FOXP2: variants seen among roughly 807,000 people sequenced by gnomAD.
The protein encoded by FOXP2 is forkhead box protein P2.
A neutral mutation model predicts 115.8 loss-of-function variants in FOXP2; 12 were observed. That is an observed-to-expected ratio of 0.10 (90% CI 0.07 to 0.17). The LOEUF is 0.17. Ranked by LOEUF, FOXP2 falls within the 10% of genes least tolerant of loss-of-function variation. The pLI, the probability that FOXP2 is intolerant of heterozygous loss-of-function variation, is 1.00. For missense variants in FOXP2, 629 were observed against 843.5 expected (o/e 0.75, Z 3.15); for synonymous variants, 328 against 297.7 (o/e 1.10, Z -1.05).
intron 3 of FOXP2, among the ~76,000 whole-genome samples, chr7:114,615,135 T>C (rs992744752): frequency 3.3e-5 from 5 of 152,126 alleles, no homozygotes; most frequent in African/African-American, 1.2e-4. Flanking sequence ...AGGAAAATCA[T>C]TTCAACCTGG....
intron 1 of FOXP2, among the ~76,000 whole-genome samples, chr7:114,286,371 A>G (rs999151261): frequency 4.6e-5 from 7 of 151,998 alleles, no homozygotes; most frequent in African/African-American, 1.2e-4. Flanking sequence ...ATGCTTTTAA[A>G]TGGGTTTAAA....
chr7:114,267,071 T>C (rs1795912863), intron 1 of FOXP2, among the ~76,000 whole-genome samples: 1 of 152,186 alleles, frequency 6.6e-6, no homozygotes, highest in Non-Finnish European at 1.5e-5. Context: ...CAGAAAATGC[T>C]TTAGAGAAGA....
At chr7:114,291,005 G>T (rs1796575598) in intron 2 of FOXP2, among the ~76,000 whole-genome samples, 1 of 152,004 alleles carries the variant, frequency 6.6e-6, no homozygotes, top group Admixed American at 6.6e-5. Flanking sequence ...CCCTGTATAG[G>T]ATAATCTAAT....
intron 2 of FOXP2, among the ~76,000 whole-genome samples, chr7:114,314,193 TATC>T (rs1270112413): frequency 6.6e-6 from 1 of 151,270 alleles, no homozygotes; most frequent in Admixed American, 6.6e-5. Context: ...TTTGAAAGAT[TATC>T]ATAAGTAATG....
chr7:114,168,267 A>C (rs529020788), intron 1 of FOXP2, among the ~76,000 whole-genome samples: 2 of 152,202 alleles, frequency 1.3e-5, no homozygotes, highest in Admixed American at 6.5e-5. Context: ...TCAGAAGAAG[A>C]CAGGAAAATG....
chr7:114,171,744 T>C (rs1209446649), intron 1 of FOXP2, among the ~76,000 whole-genome samples: 1 of 152,236 alleles, frequency 6.6e-6, no homozygotes, highest in Non-Finnish European at 1.5e-5. Flanking sequence ...CATAAGGCTG[T>C]ACCTGCTATA....
At chr7:114,364,198 C>T (rs1000092669) in intron 2 of FOXP2, among the ~76,000 whole-genome samples, 16 of 152,074 alleles carry the variant, frequency 1.1e-4, no homozygotes, top group African/African-American at 3.6e-4. Flanking sequence ...GACAGTGTTT[C>T]GGCTTGGTGA....
intron 3 of FOXP2, among the ~76,000 whole-genome samples, chr7:114,543,543 A>C (rs1331541929): frequency 3.5e-5 from 5 of 143,486 alleles, no homozygotes; most frequent in Non-Finnish European, 7.4e-5. Context: ...ATTTTCAAAA[A>C]AGAAACTTTT....
At chr7:114,373,734 T>C (rs1263695316) in intron 2 of FOXP2, among the ~76,000 whole-genome samples, 3 of 152,208 alleles carry the variant, frequency 2.0e-5, no homozygotes, top group Non-Finnish European at 4.4e-5. Context: ...TCATGTCTAC[T>C]ATATGTGAGG....
At chr7:114,303,810 G>C (rs563877595) in intron 2 of FOXP2, among the ~76,000 whole-genome samples, 1 of 152,206 alleles carries the variant, frequency 6.6e-6, no homozygotes, top group East Asian at 1.9e-4. Context: ...TGTAAAATAA[G>C]TTAATTTTAA....
intron 1 of FOXP2, among the ~76,000 whole-genome samples, chr7:114,237,197 C>T (rs748903579): frequency 1.1e-4 from 17 of 151,916 alleles, no homozygotes; most frequent in Admixed American, 3.3e-4. Flanking sequence ...AACATTTGTA[C>T]GAGTATGAGT....
intron 2 of FOXP2, among the ~76,000 whole-genome samples, chr7:114,486,284 G>T (rs867488214): frequency 6.6e-6 from 1 of 152,118 alleles, no homozygotes; most frequent in Middle Eastern, 3.4e-3. Context: ...ACATGTGCAG[G>T]GGAACTCCTA....
intron 2 of FOXP2, among the ~76,000 whole-genome samples, chr7:114,344,222 T>C (rs1456782098): frequency 6.6e-6 from 1 of 151,714 alleles, no homozygotes; most frequent in African/African-American, 2.4e-5. Context: ...GATTTTTGGC[T>C]TCGGTTCTAT....
chr7:114,123,509 G>A (rs1479452436), intron 1 of FOXP2, among the ~76,000 whole-genome samples: 2 of 151,904 alleles, frequency 1.3e-5, no homozygotes, highest in Non-Finnish European at 2.9e-5. Flanking sequence ...ATATGGAAAA[G>A]GCAACTATAA....
At chr7:114,140,768 T>C (rs1285549008) in intron 1 of FOXP2, among the ~76,000 whole-genome samples, 1 of 152,202 alleles carries the variant, frequency 6.6e-6, no homozygotes, top group Non-Finnish European at 1.5e-5. Flanking sequence ...GGCAATCAAC[T>C]AAAGGTGCTG....
chr7:114,503,817 C>T (rs1797674819), intron 2 of FOXP2, among the ~76,000 whole-genome samples: 1 of 151,022 alleles, frequency 6.6e-6, no homozygotes, highest in African/African-American at 2.4e-5. Context: ...CCACTGGTTC[C>T]TTAATACAAT....
chr7:114,123,007 CTTGCAATCAAATT>C (rs1791609251), intron 1 of FOXP2, among the ~76,000 whole-genome samples: 1 of 151,788 alleles, frequency 6.6e-6, no homozygotes, highest in African/African-American at 2.4e-5. Context: ...TGAAGTATAG[CTTGCAATCAAATT>C]AAGAAATTAA....
intron 16 of FOXP2, among the ~76,000 whole-genome samples, chr7:114,684,980 T>C (rs1808285297): frequency 6.6e-6 from 1 of 152,268 alleles, no homozygotes; most frequent in Admixed American, 6.5e-5. Flanking sequence ...GTTGTTGAGT[T>C]CAGTTGGTTG....
chr7:114,358,544 G>C (rs1251051826), intron 2 of FOXP2, among the ~76,000 whole-genome samples: 1 of 152,168 alleles, frequency 6.6e-6, no homozygotes, highest in African/African-American at 2.4e-5. Context: ...GACAGGGAAA[G>C]TTTGGAGCTT....
Sources: allele counts gnomAD v4.1 joint callset (sites outside exome capture counted in the v4.1 genomes callset), GRCh38; gene constraint gnomAD v4.1.1; transcripts MANE v1.5; gene names NCBI Gene and HGNC (gene_info 2026-07-23, HGNC 2026-07-21).